DPP10: variants seen among roughly 807,000 people sequenced by gnomAD.
The protein encoded by DPP10 is inactive dipeptidyl peptidase 10.
A neutral mutation model predicts 120.9 loss-of-function variants in DPP10; 33 were observed. The observed-to-expected ratio is 0.27, with a 90% CI of 0.21 to 0.37. The LOEUF is 0.37. Ranked by LOEUF, DPP10 falls within the 10% of genes least tolerant of loss-of-function variation. The probability of loss-of-function intolerance (pLI) is 1.00; values close to 1 mark genes in which losing one functional copy is unlikely to be tolerated. For synonymous variants in DPP10, 337 were observed against 326.1 expected, an observed-to-expected ratio of 1.03 and a Z score of -0.36; for missense variants, 816 against 942.8, an observed-to-expected ratio of 0.87 and a Z score of 1.76.
chr2:114,951,507 T>G (rs1271623818), intron 1 of DPP10, among the ~76,000 whole-genome samples: 2 of 152,170 alleles, frequency 1.3e-5, no homozygotes, highest in African/African-American at 4.8e-5. Context: ...CCCACGTTGC[T>G]TCCATAAGTA....
At chr2:115,781,923 G>T (rs572883705) in intron 16 of DPP10, among the ~76,000 whole-genome samples, 1 of 152,024 alleles carries the variant, frequency 6.6e-6, no homozygotes, top group Non-Finnish European at 1.5e-5. Context: ...TTTTCTTATG[G>T]ATGAACTATT....
At chr2:114,919,795 ATTCTGATGATGTT>A (rs1350167018) in intron 1 of DPP10, among the ~76,000 whole-genome samples, 2 of 152,174 alleles carry the variant, frequency 1.3e-5, no homozygotes, top group East Asian at 3.9e-4. Flanking sequence ...GTGTAGTTGC[ATTCTGATGATGTT>A]TTGAGCTGAA....
intron 3 of DPP10, among the ~76,000 whole-genome samples, chr2:115,381,094 T>C (rs1175711965): frequency 6.6e-6 from 1 of 152,218 alleles, no homozygotes; most frequent in Non-Finnish European, 1.5e-5. Context: ...ATCTGAATGT[T>C]GGCCTGCCTT....
intron 5 of DPP10, among the ~76,000 whole-genome samples, chr2:115,592,831 C>G (rs1170420261): frequency 6.6e-6 from 1 of 152,016 alleles, no homozygotes; most frequent in East Asian, 1.9e-4. Flanking sequence ...AATGGAAATT[C>G]TCTACAGAGG....
chr2:115,040,061 T>G (rs1186380589), intron 1 of DPP10, among the ~76,000 whole-genome samples: 1 of 152,218 alleles, frequency 6.6e-6, no homozygotes, highest in East Asian at 1.9e-4. Flanking sequence ...GAAGTAATGC[T>G]TTAATAACAA....
chr2:115,072,461 C>T (rs188869427), intron 1 of DPP10, among the ~76,000 whole-genome samples: 49 of 152,298 alleles, frequency 3.2e-4, no homozygotes, highest in African/African-American at 9.6e-4. Flanking sequence ...AAACAGCAGC[C>T]TGTAGTACAT....
intron 1 of DPP10, among the ~76,000 whole-genome samples, chr2:114,617,272 T>A (rs138885064): frequency 1.2e-3 from 188 of 152,242 alleles, no homozygotes; most frequent in African/African-American, 4.4e-3. Flanking sequence ...GAAATTATTA[T>A]ATGGTTAGGC....
At chr2:115,353,994 G>C (rs553208715) in intron 3 of DPP10, among the ~76,000 whole-genome samples, 1 of 152,074 alleles carries the variant, frequency 6.6e-6, no homozygotes, top group Non-Finnish European at 1.5e-5. Context: ...CTTTGTAATT[G>C]TATATGAATG....
intron 24 of DPP10, among the ~76,000 whole-genome samples, chr2:115,840,195 G>T (rs1470808582): frequency 6.6e-6 from 1 of 150,932 alleles, no homozygotes; most frequent in African/African-American, 2.4e-5. Context: ...CCATTCTGTA[G>T]AGTAAGTAGG....
At chr2:115,628,715 A>G (rs936974077) in intron 5 of DPP10, among the ~76,000 whole-genome samples, 1 of 152,044 alleles carries the variant, frequency 6.6e-6, no homozygotes, top group Non-Finnish European at 1.5e-5. Flanking sequence ...GGAGGGGTTC[A>G]GTTTCAATTT....
intron 3 of DPP10, among the ~76,000 whole-genome samples, chr2:115,357,204 G>T (rs2064449037): frequency 6.6e-6 from 1 of 152,130 alleles, no homozygotes; most frequent in African/African-American, 2.4e-5. Context: ...AATGGATAAT[G>T]GTCCAAGTTC....
intron 1 of DPP10, among the ~76,000 whole-genome samples, chr2:114,742,825 T>C (rs1486473179): frequency 6.6e-6 from 1 of 152,236 alleles, no homozygotes; most frequent in Non-Finnish European, 1.5e-5. Flanking sequence ...CAAATGCAAC[T>C]TTAATACATT....
intron 5 of DPP10, among the ~76,000 whole-genome samples, chr2:115,536,202 TA>T (rs1213110570): frequency 2.6e-5 from 4 of 152,068 alleles, no homozygotes; most frequent in Non-Finnish European, 4.4e-5. Context: ...TTATCTCATC[TA>T]ATTCTTATTT....
intron 1 of DPP10, among the ~76,000 whole-genome samples, chr2:115,102,426 TTTGAGATAGG>T (rs1276315944): frequency 6.7e-6 from 1 of 149,266 alleles, no homozygotes; most frequent in Non-Finnish European, 1.5e-5. Flanking sequence ...TTTGTTTGTT[TTTGAGATAGG>T]GTCTCACTCT....
intron 5 of DPP10, among the ~76,000 whole-genome samples, chr2:115,674,506 A>G (rs1423592603): frequency 6.6e-6 from 1 of 152,038 alleles, no homozygotes; most frequent in Non-Finnish European, 1.5e-5. Flanking sequence ...GAGGGAAAAA[A>G]TGTTAATTAC....
intron 5 of DPP10, among the ~76,000 whole-genome samples, chr2:115,676,183 T>G (rs2090242603): frequency 6.6e-6 from 1 of 152,198 alleles, no homozygotes; most frequent in Non-Finnish European, 1.5e-5. Flanking sequence ...TGAAGGCTGG[T>G]CTGCCTGGTA....
At chr2:114,642,987 T>C (rs1695824616) in intron 1 of DPP10, among the ~76,000 whole-genome samples, 1 of 151,934 alleles carries the variant, frequency 6.6e-6, no homozygotes, top group South Asian at 2.1e-4. Context: ...TATATACCTG[T>C]TCATACACAA....
chr2:115,307,911 A>G (rs1397141923), intron 1 of DPP10, among the ~76,000 whole-genome samples: 4 of 152,140 alleles, frequency 2.6e-5, no homozygotes, highest in Non-Finnish European at 2.9e-5. Context: ...AGTGTTGGAT[A>G]ATAAGCATTA....
intron 1 of DPP10, among the ~76,000 whole-genome samples, chr2:114,498,602 G>A (rs900964868): frequency 1.3e-5 from 2 of 152,160 alleles, no homozygotes; most frequent in Admixed American, 6.6e-5. Flanking sequence ...TGTTCTTGTT[G>A]CATTGTCCTT....
Sources: gnomAD v4.1 joint callset for allele counts (sites outside exome capture counted in the v4.1 genomes callset) on GRCh38, gnomAD v4.1.1 for gene constraint, MANE v1.5 for transcripts, NCBI Gene and HGNC (gene_info 2026-07-23, HGNC 2026-07-21) for gene names.